The following MPPED1 variants were observed in gnomAD, a reference collection of about 807,000 sequenced individuals.
MPPED1 encodes metallophosphoesterase domain-containing protein 1.
A neutral mutation model predicts 36.2 loss-of-function variants in MPPED1; 16 were observed. That is an observed-to-expected ratio of 0.44 (90% CI 0.30 to 0.67). The LOEUF is 0.67. Ranked by LOEUF, MPPED1 falls within the 30% of genes least tolerant of loss-of-function variation. The pLI is 0.10. For synonymous variants in MPPED1, 199 were observed against 191.3 expected (o/e 1.04, Z -0.33); for missense variants, 307 against 453.4 (o/e 0.68, Z 2.93).
intron 2 of MPPED1, among the ~76,000 whole-genome samples, chr22:43,433,093 A>C (rs5759340): frequency 0.02 from 3,061 of 152,136 alleles, 139 homozygotes; most frequent in East Asian, 0.16. Context: ...TGTAGGTCAC[A>C]CCAGCTGTCT....
At chr22:43,423,388 C>T (rs566253570) in intron 1 of MPPED1, among the ~76,000 whole-genome samples, 6 of 152,292 alleles carry the variant, frequency 3.9e-5, no homozygotes, top group African/African-American at 7.2e-5. Flanking sequence ...AGTTCTGTTG[C>T]GTAGCACCTG....
chr22:43,424,292 G>A (rs562725548), intron 1 of MPPED1, among the ~76,000 whole-genome samples: 57 of 152,298 alleles, frequency 3.7e-4, no homozygotes, highest in African/African-American at 1.3e-3. Flanking sequence ...CCCTGAGCCA[G>A]TGGGTATGTG....
intron 2 of MPPED1, among the ~76,000 whole-genome samples, chr22:43,426,068 A>C (rs541866351): frequency 4.4e-4 from 67 of 151,856 alleles, no homozygotes; most frequent in African/African-American, 1.5e-3. Context: ...CTTTATCCCC[A>C]TTGCTTCTCC....
chr22:43,436,453 C>T (rs1929964552), intron 3 of MPPED1, among the ~76,000 whole-genome samples: 1 of 152,278 alleles, frequency 6.6e-6, no homozygotes, highest in South Asian at 2.1e-4. Context: ...CAAATATTTA[C>T]AAGCAAGGCC....
chr22:43,479,672 C>T (rs1931689112), intron 4 of MPPED1, among the ~76,000 whole-genome samples: 1 of 152,220 alleles, frequency 6.6e-6, no homozygotes, highest in Non-Finnish European at 1.5e-5. Flanking sequence ...GGAAATTCCC[C>T]CTTAAGCAGA....
intron 5 of MPPED1, among the ~76,000 whole-genome samples, chr22:43,499,623 GTGATGA>G (rs766780248): frequency 7.5e-5 from 3 of 40,080 alleles, no homozygotes; most frequent in African/African-American, 3.8e-4. Flanking sequence ...GATGGTGGTG[GTGATGA>G]TGGTGGAGGT....
At chr22:43,503,052 G>C (rs1932762822) in intron 6 of MPPED1, among the ~76,000 whole-genome samples, 1 of 152,172 alleles carries the variant, frequency 6.6e-6, no homozygotes, top group Non-Finnish European at 1.5e-5. Context: ...TGGGCAGGGG[G>C]TTTTCAGAGG....
At chr22:43,453,110 C>T (rs907624507) in intron 3 of MPPED1, among the ~76,000 whole-genome samples, 5 of 151,808 alleles carry the variant, frequency 3.3e-5, no homozygotes, top group African/African-American at 9.7e-5. Context: ...CTACCACGCC[C>T]GGCTAATTTG....
At chr22:43,428,221 C>T (rs1929549599) in intron 2 of MPPED1, among the ~76,000 whole-genome samples, 1 of 152,212 alleles carries the variant, frequency 6.6e-6, no homozygotes, top group African/African-American at 2.4e-5. Context: ...CAAGGATTCA[C>T]ACCTGGCCTG....
At chr22:43,460,164 G>A (rs868694928) in intron 3 of MPPED1, among the ~76,000 whole-genome samples, 8 of 151,244 alleles carry the variant, frequency 5.3e-5, no homozygotes, top group Non-Finnish European at 1.0e-4. Flanking sequence ...CCAAGATTGC[G>A]CCATTGCACT....
intron 3 of MPPED1, among the ~76,000 whole-genome samples, chr22:43,454,310 A>G (rs1387241643): frequency 6.7e-6 from 1 of 150,122 alleles, no homozygotes; most frequent in East Asian, 2.0e-4. Flanking sequence ...TACCCAGCCT[A>G]TTTTCTTCTT....
chr22:43,429,953 G>A (rs1929616462), intron 2 of MPPED1, among the ~76,000 whole-genome samples: 1 of 152,198 alleles, frequency 6.6e-6, no homozygotes, highest in Admixed American at 6.5e-5. Flanking sequence ...GGAGGGTACT[G>A]TGGCCAGGGT....
intron 4 of MPPED1, among the ~76,000 whole-genome samples, chr22:43,483,594 AC>A (rs11346411): frequency 0.034 from 5,135 of 152,224 alleles, 99 homozygotes; most frequent in South Asian, 0.051. Flanking sequence ...TCTCTTAAGA[AC>A]CCTTTTAAAT....
chr22:43,429,706 G>A (rs1015835687), intron 2 of MPPED1, among the ~76,000 whole-genome samples: 1 of 152,242 alleles, frequency 6.6e-6, no homozygotes, highest in Admixed American at 6.5e-5. Flanking sequence ...CATGCCTGGT[G>A]CCTAGCACAG....
chr22:43,465,463 A>G (rs1242266049), intron 3 of MPPED1, among the ~76,000 whole-genome samples: 1 of 152,262 alleles, frequency 6.6e-6, no homozygotes, highest in Non-Finnish European at 1.5e-5. Flanking sequence ...TCATGGATTC[A>G]GTGGCTGTGT....
intron 4 of MPPED1, among the ~76,000 whole-genome samples, chr22:43,493,846 C>T (rs546155906): frequency 5.9e-5 from 9 of 152,198 alleles, no homozygotes; most frequent in African/African-American, 1.7e-4. Flanking sequence ...GGGCAGCAGG[C>T]GGGGAGGTGA....
intron 4 of MPPED1, among the ~76,000 whole-genome samples, chr22:43,494,725 A>ATGG (rs1441006126): frequency 2.4e-4 from 12 of 49,650 alleles, no homozygotes; most frequent in Non-Finnish European, 4.9e-4. Flanking sequence ...GGTGGTGGTG[A>ATGG]TGGTGGCTGT....
intron 2 of MPPED1, among the ~76,000 whole-genome samples, chr22:43,425,925 C>T (rs1372635316): frequency 6.6e-6 from 1 of 152,214 alleles, no homozygotes; most frequent in Non-Finnish European, 1.5e-5. Context: ...TGCCTGTGTG[C>T]GGGGCCAGCC....
chr22:43,413,810 T>G (rs1406719682), intron 1 of MPPED1, among the ~76,000 whole-genome samples: 1 of 152,176 alleles, frequency 6.6e-6, no homozygotes, highest in Non-Finnish European at 1.5e-5. Context: ...CGATGGCTAG[T>G]CAAAAGGCGA....
Sources: gnomAD v4.1 joint callset for allele counts (sites outside exome capture counted in the v4.1 genomes callset) on GRCh38, gnomAD v4.1.1 for gene constraint, MANE v1.5 for transcripts, NCBI Gene and HGNC (gene_info 2026-07-23, HGNC 2026-07-21) for gene names.